The following GPN3 variants were observed in gnomAD, a reference collection of about 807,000 sequenced individuals.
GPN3 encodes the protein GPN-loop GTPase 3.
In GPN3, 31 loss-of-function variants were observed where a neutral mutation model predicts 38.7. The ratio of observed to expected loss-of-function variants is 0.80; its 90% CI spans 0.60 to 1.08. The LOEUF (loss-of-function observed/expected upper bound fraction) is 1.08, where lower values mean the gene tolerates loss of function less well. Among genes scored for constraint, GPN3 ranks in the 50% least tolerant of loss-of-function variants. The probability of loss-of-function intolerance (pLI) is 0.00; values close to 1 mark genes in which losing one functional copy is unlikely to be tolerated. For missense variants in GPN3, 301 were observed against 354.4 expected, an observed-to-expected ratio of 0.85 and a Z score of 1.21; for synonymous variants, 116 against 120.2, an observed-to-expected ratio of 0.96 and a Z score of 0.23.
At chr12:110,454,731 T>C (rs1276646017) in intron 6 of GPN3, among the ~76,000 whole-genome samples, 2 of 151,886 alleles carry the variant, frequency 1.3e-5, no homozygotes, top group Non-Finnish European at 2.9e-5. Flanking sequence ...GATCTGATCA[T>C]GGCTCACTAC....
chr12:110,461,203 C>G, intron 2 of GPN3: 1 of 1,289,674 alleles, frequency 7.8e-7, no homozygotes, highest in Non-Finnish European at 1.1e-6. Context: ...ACAAAGCTGT[C>G]TGGGCCAAAG....
chr12:110,468,377 T>C (rs985112361), upstream of GPN3: 23 of 1,521,198 alleles, frequency 1.5e-5, no homozygotes, highest in African/African-American at 2.8e-5. Context: ...AAACGCGTCC[T>C]GAGAAAAAAG....
At chr12:110,462,691 G>A (rs577387635) in intron 2 of GPN3, among the ~76,000 whole-genome samples, 4 of 151,736 alleles carry the variant, frequency 2.6e-5, no homozygotes, top group African/African-American at 4.8e-5. Flanking sequence ...GGGTTCAAGC[G>A]ATTCCCCTGT....
chr12:110,454,764 G>A (rs1430074614), intron 6 of GPN3, among the ~76,000 whole-genome samples: 2 of 151,848 alleles, frequency 1.3e-5, no homozygotes, highest in African/African-American at 2.4e-5. Context: ...CCAGGCTCAA[G>A]GGATCCTCCC....
In GPN3 at chr12:110,455,755, A is replaced by C. The variant is rs961444208; in HGVS notation, c.566+60T>G. 3.8e-6 allele frequency: 4 copies of C among 1,057,900 alleles called. No homozygotes were observed. The African/African-American group carries it at 6.2e-5, about 16-fold the overall frequency. The allele number at this position is 1,057,900 out of a possible 1,614,324, so 65.5% of individuals were successfully genotyped here. ...ACCAGCCAAACTTCCCATCTAAATA[A>C]AACAGAAGGTTCATCTCTGCAACTG... On this transcript the variant is annotated intron_variant, in intron 5 of 7. Coordinates refer to ENST00000228827, the MANE Select transcript of GPN3 (RefSeq NM_016301.4).
chr12:110,453,142 C>G (rs1484623264), intron 7 of GPN3, 46 bp from the exon 8 acceptor site: 1 of 893,748 alleles, frequency 1.1e-6, no homozygotes, highest in African/African-American at 1.6e-5. Flanking sequence ...CATTTCCCCT[C>G]AGTCAGAACT....
intron 1 of GPN3, among the ~76,000 whole-genome samples, chr12:110,467,925 G>A (rs528501175): frequency 8.0e-4 from 122 of 152,236 alleles, no homozygotes; most frequent in Non-Finnish European, 1.3e-3. Flanking sequence ...AGAAATAAGC[G>A]AGGCGTTTCA....
Position 110,465,116 on chromosome 12 carries a change from G to A in GPN3, c.147C>T (p.Ser49=), listed in dbSNP as rs143365408. Residue 49 remains serine, a synonymous_variant, in exon 2 of 8, where the codon TCC becomes TCT. Coordinates refer to ENST00000228827, the MANE Select transcript of GPN3 (RefSeq NM_016301.4). The part of the protein sequence containing the change: ...LDPAAEHFNY[S]VMADIRELIE... The stretch of plus-strand genomic sequence containing the variant: ...TTGCTCAGGACTTACCAGCCATCAC[G>A]GAGTAGTTGAAGTGTTCTGCTGCTG... The A allele has an allele frequency of 8.6e-5, 136 of 1,575,164 alleles. 1 individual carries two copies. Among genetic ancestry groups the A allele is most frequent in the Non-Finnish European group, 1.0e-4 (120 of 1,144,416 alleles).
intron 6 of GPN3, among the ~76,000 whole-genome samples, chr12:110,455,130 T>C (rs1168727424): frequency 6.6e-6 from 1 of 151,548 alleles, no homozygotes; most frequent in Non-Finnish European, 1.5e-5. Context: ...GGCCTAATTT[T>C]TTTTTGTTTT....
chr12:110,466,072 T>C (rs1183729902), intron 1 of GPN3, among the ~76,000 whole-genome samples: 1 of 150,668 alleles, frequency 6.6e-6, no homozygotes, highest in Non-Finnish European at 1.5e-5. Flanking sequence ...ACAAGACTCC[T>C]GGCTCAAAAA....
Position 110,458,048 on chromosome 12 carries a change from G to A in GPN3, c.326-414C>T, listed in dbSNP as rs1388726655. Among the ~76,000 whole-genome samples, 1 of 152,098 alleles carries A rather than the reference G, an allele frequency of 6.6e-6. No individual in the cohort carries two copies. Among genetic ancestry groups the A allele is most frequent in the Non-Finnish European group, 1.5e-5 (1 of 68,030 alleles). On this transcript the variant is annotated intron_variant, in intron 3 of 7. Transcript: ENST00000228827. This position sits in a 1 kb window ranked among gnomAD's most constrained non-coding sequence, Gnocchi z 4.4. ...CAAGAATTGCTTAAACCCGGGAGGA[G>A]GAGGCTGCAGTGAGCCAAGATCACG...
chr12:110,453,713 A>G, intron 7 of GPN3, 30 bp downstream of exon 7: 1 of 1,583,336 alleles, frequency 6.3e-7, no homozygotes, highest in Non-Finnish European at 8.7e-7. Flanking sequence ...TTTTATCAAA[A>G]GCTAACAAAC....
chr12:110,461,207 G>C (rs2062586260), intron 2 of GPN3: 2 of 1,294,766 alleles, frequency 1.5e-6, no homozygotes, highest in East Asian at 4.6e-5. Context: ...AGCTGTCTGG[G>C]CCAAAGGAAT....
chr12:110,463,606 C>CAAAAAAAA (rs60072879), intron 2 of GPN3, among the ~76,000 whole-genome samples: 13 of 64,290 alleles, frequency 2.0e-4, no homozygotes, highest in Non-Finnish European at 2.7e-4. Context: ...CCTGTCTCTA[C>CAAAAAAAA]AAAAAAAAAA....
rs910839252 is a variant in GPN3 at position 110,465,205 on chromosome 12, A to C, written c.58T>G (p.Cys20Gly). The C allele has an allele frequency of 4.4e-6, 7 of 1,592,972 alleles. No homozygotes were observed. Among genetic ancestry groups the C allele is most frequent in the African/African-American group, 1.3e-5 (1 of 74,582 alleles). ...GPAGSGKSTYCATMVQHCEAL... is the reference protein window; with the variant it reads ...GPAGSGKSTYGATMVQHCEAL... Reference sequence around the variant, plus strand: ...TCACAGTGCTGGACCATGGTGGCACAGTAGGTGCTCTGTAATGTCACAAGG... The same window carrying C: ...TCACAGTGCTGGACCATGGTGGCACCGTAGGTGCTCTGTAATGTCACAAGG... The change falls in exon 2 of 8, where the codon TGT (cysteine) becomes GGT (glycine). Residue 20 changes from cysteine (C) to glycine (G), a missense_variant. Coordinates refer to ENST00000228827, the MANE Select transcript of GPN3 (RefSeq NM_016301.4).
chr12:110,457,296 T>C (rs763627747), intron 4 of GPN3, among the ~76,000 whole-genome samples: 6 of 151,026 alleles, frequency 4.0e-5, no homozygotes, highest in Non-Finnish European at 8.8e-5. Flanking sequence ...CTACTAAAAA[T>C]ACAAAAATTA....
chr12:110,468,322 C>A, upstream of GPN3: 1 of 1,574,148 alleles, frequency 6.4e-7, no homozygotes, highest in Non-Finnish European at 8.6e-7. Context: ...TCCAGTTCTA[C>A]CACACCTCCT....
intron 6 of GPN3, among the ~76,000 whole-genome samples, chr12:110,454,966 G>A (rs771979237): frequency 4.0e-5 from 6 of 151,816 alleles, no homozygotes; most frequent in Non-Finnish European, 7.4e-5. Flanking sequence ...GGGATTATAG[G>A]CATGCACCAC....
chr12:110,464,951 C>G, intron 2 of GPN3, 155 bp downstream of exon 2: 1 of 640,244 alleles, frequency 1.6e-6, no homozygotes, highest in Non-Finnish European at 2.9e-6. Flanking sequence ...CACATATCAC[C>G]ATGAACAGAT....
Sources: gnomAD v4.1 joint callset for allele counts (sites outside exome capture counted in the v4.1 genomes callset) on GRCh38, gnomAD v4.1.1 for gene constraint, Gnocchi (gnomAD v3.1) non-coding constraint, MANE v1.5 for transcripts, NCBI Gene and HGNC (gene_info 2026-07-23, HGNC 2026-07-21) for gene names.